The following XYLT1 variants were observed in gnomAD, a reference collection of about 807,000 sequenced individuals.
XYLT1 encodes xylosyltransferase 1.
In XYLT1, 36 loss-of-function variants were observed where a neutral mutation model predicts 91.3. That is an observed-to-expected ratio of 0.39 (90% CI 0.30 to 0.52). The LOEUF is 0.52. Ranked by LOEUF, XYLT1 falls within the 20% of genes least tolerant of loss-of-function variation. The pLI is 0.68. For synonymous variants in XYLT1, 588 were observed against 532.0 expected, an observed-to-expected ratio of 1.11 and a Z score of -1.45; for missense variants, 1,242 against 1,284.5, an observed-to-expected ratio of 0.97 and a Z score of 0.51.
At position 17,127,804 on chromosome 16, in the gene XYLT1, G is replaced by C; in HGVS notation, c.2085C>G (p.Phe695Leu). Residue 695 changes from phenylalanine (F) to leucine (L), a missense_variant, in exon 10 of 12, where the codon TTC becomes TTG. This residue lies in a region of XYLT1 where 511 missense variants were observed against 497.0 expected (regional missense o/e 1.03). Coordinates refer to ENST00000261381, the MANE Select transcript of XYLT1 (RefSeq NM_022166.4). The stretch of plus-strand genomic sequence containing the variant: ...CATGATGCTTGATCAGAAAGCCCTG[G>C]AAGCGGTCAGCAAGGAAGTAGAGGT... ...SVHLYFLADRFQGFLIKHHAT... is the reference protein window; with the variant it reads ...SVHLYFLADRLQGFLIKHHAT... The C allele has an allele frequency of 1.2e-6, 2 of 1,614,132 alleles. No homozygotes were observed. The highest frequency in any genetic ancestry group is 1.7e-6 in the Non-Finnish European group (2 of 1,180,018).
chr16:17,381,975 T>C (rs1255462042), intron 1 of XYLT1, among the ~76,000 whole-genome samples: 1 of 151,798 alleles, frequency 6.6e-6, no homozygotes. Context: ...ATTTTCCCCA[T>C]TGAACAGATG....
At chr16:17,314,832 G>A (rs2034602158) in intron 2 of XYLT1, among the ~76,000 whole-genome samples, 1 of 152,198 alleles carries the variant, frequency 6.6e-6, no homozygotes, top group Admixed American at 6.5e-5. Context: ...TATACAACTT[G>A]ACAGCTAGAA....
At chr16:17,125,436 T>C (rs1232478844) in intron 10 of XYLT1, among the ~76,000 whole-genome samples, 1 of 152,186 alleles carries the variant, frequency 6.6e-6, no homozygotes, top group African/African-American at 2.4e-5. Context: ...CCCTGAGGCC[T>C]CTTTCCTACC....
At chr16:17,179,565 T>A (rs905036514) in intron 5 of XYLT1, among the ~76,000 whole-genome samples, 1 of 152,222 alleles carries the variant, frequency 6.6e-6, no homozygotes, top group Non-Finnish European at 1.5e-5. Context: ...CGCTCACTTA[T>A]CTACTGTCTC....
At chr16:17,127,386 A>C (rs1348561487) in intron 10 of XYLT1, among the ~76,000 whole-genome samples, 2 of 152,166 alleles carry the variant, frequency 1.3e-5, no homozygotes, top group Non-Finnish European at 2.9e-5. Flanking sequence ...AATATTACTG[A>C]CATTGGTTTA....
At chr16:17,367,759 G>A (rs557031382) in intron 1 of XYLT1, among the ~76,000 whole-genome samples, 27 of 152,160 alleles carry the variant, frequency 1.8e-4, no homozygotes, top group Non-Finnish European at 3.7e-4. Context: ...AATACGGCCC[G>A]AGGAGCAGAT....
chr16:17,110,693 G>C lies in XYLT1; in HGVS notation c.2558-1676C>G, dbSNP rs138291925. ...CCTCACACACCTAAAAAACTAGGGG[G>C]CTGGTTTTATCATTCCTACTTTACA... is the stretch of plus-strand genomic sequence containing the variant. On this transcript the variant is annotated intron_variant, in intron 11 of 11. Transcript: ENST00000261381. 1.2e-3 allele frequency among the ~76,000 whole-genome samples: 181 copies of C among 152,278 alleles called. 2 individuals carry two copies. The highest frequency in any genetic ancestry group is 4.3e-3 in the African/African-American group (178 of 41,560).
At chr16:17,176,459 G>A (rs1200212981) in intron 5 of XYLT1, among the ~76,000 whole-genome samples, 3 of 152,356 alleles carry the variant, frequency 2.0e-5, no homozygotes, top group South Asian at 2.1e-4. Context: ...CCAAGGGCAC[G>A]TGGCCAGTAA....
intron 6 of XYLT1, among the ~76,000 whole-genome samples, chr16:17,141,981 G>A (rs746334498): frequency 2.6e-5 from 4 of 152,102 alleles, no homozygotes; most frequent in African/African-American, 7.2e-5. Flanking sequence ...CTAGCTCCCC[G>A]CAGCCTCAAA....
intron 2 of XYLT1, among the ~76,000 whole-genome samples, chr16:17,260,608 A>G (rs1385614566): frequency 6.6e-6 from 1 of 152,196 alleles, no homozygotes; most frequent in Admixed American, 6.5e-5. Flanking sequence ...GGGGTACCCA[A>G]GAGCAGCTGA....
chr16:17,220,978 C>T (rs1597202163), intron 3 of XYLT1, among the ~76,000 whole-genome samples: 1 of 152,080 alleles, frequency 6.6e-6, no homozygotes, highest in Admixed American at 6.6e-5. Context: ...TATCTCTGTC[C>T]CTTGGCACAA....
intron 1 of XYLT1, among the ~76,000 whole-genome samples, chr16:17,439,676 T>C (rs1596546609): frequency 6.6e-6 from 1 of 152,358 alleles, no homozygotes; most frequent in African/African-American, 2.4e-5. Context: ...TCTGAATGTC[T>C]GCTTTCCATT....
Position 17,470,623 on chromosome 16 carries a change from G to T in XYLT1, c.174C>A (p.Pro58=). Residue 58 remains proline, a synonymous_variant, in exon 1 of 12, where the codon CCC becomes CCA. Coordinates refer to ENST00000261381, the MANE Select transcript of XYLT1 (RefSeq NM_022166.4). ...GAAVGGGEQP[P]PAPAPRRERR... Reference sequence around the variant, plus strand: ...GCTCCCGGCGCGGGGCCGGGGCCGGGGGCGGCTGCTCCCCGCCGCCGACCG... The same window carrying T: ...GCTCCCGGCGCGGGGCCGGGGCCGGTGGCGGCTGCTCCCCGCCGCCGACCG... 1 of 1,115,846 alleles carries T rather than the reference G, an allele frequency of 9.0e-7. No individual in the cohort carries two copies. Among genetic ancestry groups the T allele is most frequent in the Non-Finnish European group, 1.1e-6 (1 of 917,276 alleles). The allele number at this position is 1,115,846 out of a possible 1,614,324, so 69.1% of individuals were successfully genotyped here. A position where few individuals can be genotyped will look rare whatever the true frequency, so the allele number is the denominator to read the frequency against.
intron 2 of XYLT1, among the ~76,000 whole-genome samples, chr16:17,303,716 C>A (rs2034431043): frequency 6.6e-6 from 1 of 152,304 alleles, no homozygotes; most frequent in South Asian, 2.1e-4. Context: ...GTCTTTAAAA[C>A]ACATTCAGCC....
chr16:17,273,727 C>G lies in XYLT1; in HGVS notation c.403-14229G>C, dbSNP rs373155914. Among the ~76,000 whole-genome samples the G allele has an allele frequency of 1.9e-3, 283 of 151,618 alleles. 3 individuals carry two copies. The highest frequency in any genetic ancestry group is 6.5e-3 in the African/African-American group (270 of 41,372). ...GTTGTAGTGGTGGGTGCCTGTAATCCCACCTACTCGGGAGGCTGAGGCAGA... is the reference window on the plus strand; with the variant it reads ...GTTGTAGTGGTGGGTGCCTGTAATCGCACCTACTCGGGAGGCTGAGGCAGA... On this transcript the variant is annotated intron_variant, in intron 2 of 11. Coordinates refer to ENST00000261381, the MANE Select transcript of XYLT1 (RefSeq NM_022166.4).
chr16:17,172,442 A>G (rs992441351), intron 5 of XYLT1, among the ~76,000 whole-genome samples: 2 of 142,306 alleles, frequency 1.4e-5, no homozygotes, highest in African/African-American at 5.2e-5. Flanking sequence ...GCATCTTCCT[A>G]TGTGCCAAAG....
chr16:17,226,044 C>T (rs2033059918), intron 3 of XYLT1, among the ~76,000 whole-genome samples: 1 of 152,030 alleles, frequency 6.6e-6, no homozygotes, highest in Admixed American at 6.6e-5. Flanking sequence ...TTGAAGGGGA[C>T]CCCTCCAGGA....
intron 2 of XYLT1, among the ~76,000 whole-genome samples, chr16:17,349,189 T>C (rs2035186287): frequency 1.3e-5 from 2 of 152,238 alleles, no homozygotes; most frequent in African/African-American, 4.8e-5. Flanking sequence ...CCACTCTGTA[T>C]GGACAGATGT....
chr16:17,114,239 A>C lies in XYLT1; in HGVS notation c.2557+3407T>G, dbSNP rs536269718. Among the ~76,000 whole-genome samples, 6 of 152,340 alleles carry C rather than the reference A, an allele frequency of 3.9e-5. No homozygotes were observed. In the East Asian group the frequency reaches 1.2e-3, roughly 29 times the overall value. On this transcript the variant is annotated intron_variant, in intron 11 of 11. Coordinates refer to ENST00000261381, the MANE Select transcript of XYLT1 (RefSeq NM_022166.4). ...ACCAATAGACATAAGTGTTTCCCTG[A>C]GTTCTGTGAGCTGCTCTAGCAGAGT...
Sources: allele counts gnomAD v4.1 joint callset (sites outside exome capture counted in the v4.1 genomes callset), GRCh38; gene constraint gnomAD v4.1.1; regional missense constraint gnomAD v4.1.1; transcripts MANE v1.5; gene names NCBI Gene and HGNC (gene_info 2026-07-23, HGNC 2026-07-21).